VRK2: variants seen among roughly 807,000 people sequenced by gnomAD.
The protein encoded by VRK2 is VRK serine/threonine kinase 2, also known as serine/threonine-protein kinase VRK2.
In VRK2, 60 loss-of-function variants were observed where a neutral mutation model predicts 57.6. The observed-to-expected ratio is 1.04, with a 90% CI of 0.85 to 1.29. The LOEUF is 1.29. VRK2 is among the 50% of genes most tolerant of loss of function. The pLI is 0.00. For synonymous variants in VRK2, 231 were observed against 199.2 expected, an observed-to-expected ratio of 1.16 and a Z score of -1.35; for missense variants, 705 against 588.1, an observed-to-expected ratio of 1.20 and a Z score of -2.06.
intron 2 of VRK2, among the ~76,000 whole-genome samples, chr2:58,062,340 A>G (rs1343278718): frequency 1.3e-5 from 2 of 152,004 alleles, no homozygotes; most frequent in Non-Finnish European, 2.9e-5. Context: ...TGATACAGCA[A>G]TTTTGAAATT....
chr2:57,969,764 A>G (rs182222053), intron 1 of VRK2, among the ~76,000 whole-genome samples: 1 of 152,150 alleles, frequency 6.6e-6, no homozygotes, highest in East Asian at 1.9e-4. Context: ...TATTGCGGTC[A>G]GCTGAGGCTA....
chr2:57,939,759 T>C (rs1306731065), intron 1 of VRK2, among the ~76,000 whole-genome samples: 1 of 152,230 alleles, frequency 6.6e-6, no homozygotes, highest in East Asian at 1.9e-4. Context: ...GTTGATGGCA[T>C]ATTTTTCTGT....
At chr2:57,953,693 T>C (rs1341881820) in intron 1 of VRK2, among the ~76,000 whole-genome samples, 1 of 152,054 alleles carries the variant, frequency 6.6e-6, no homozygotes, top group Non-Finnish European at 1.5e-5. Flanking sequence ...AAGTGAGCTA[T>C]GAAGAGTAAC....
chr2:58,140,350 G>C (rs960187466), intron 11 of VRK2, among the ~76,000 whole-genome samples: 15 of 151,898 alleles, frequency 9.9e-5, no homozygotes, highest in Non-Finnish European at 1.6e-4. Context: ...CTTTTAGTCT[G>C]CCATCTTCCC....
intron 1 of VRK2, among the ~76,000 whole-genome samples, chr2:58,007,279 G>A (rs1376220979): frequency 6.6e-6 from 1 of 151,304 alleles, no homozygotes; most frequent in Non-Finnish European, 1.5e-5. Flanking sequence ...ATACATATGT[G>A]TGTTTATGTA....
chr2:57,996,610 A>C (rs1672930724), intron 1 of VRK2, among the ~76,000 whole-genome samples: 1 of 152,234 alleles, frequency 6.6e-6, no homozygotes, highest in African/African-American at 2.4e-5. Context: ...TGTATTCACA[A>C]GGTTAAGAAT....
chr2:57,961,634 C>CA (rs968874249), intron 1 of VRK2, among the ~76,000 whole-genome samples: 1 of 105,176 alleles, frequency 9.5e-6, no homozygotes, highest in African/African-American at 3.3e-5. Flanking sequence ...CCCCCCCCCC[C>CA]ACTTATTACT....
chr2:58,121,381 TGTTTA>T (rs1364691341), intron 7 of VRK2, among the ~76,000 whole-genome samples: 1 of 152,230 alleles, frequency 6.6e-6, no homozygotes, highest in Non-Finnish European at 1.5e-5. Flanking sequence ...ATGTGAAGCC[TGTTTA>T]GTTCTTGAAA....
At chr2:57,966,772 C>A (rs1035480455) in intron 1 of VRK2, among the ~76,000 whole-genome samples, 1 of 152,052 alleles carries the variant, frequency 6.6e-6, no homozygotes, top group African/African-American at 2.4e-5. Context: ...AAGAGAGTTA[C>A]TAGTTTATGG....
intron 2 of VRK2, among the ~76,000 whole-genome samples, chr2:58,077,353 GC>G (rs1019342744): frequency 6.6e-6 from 1 of 151,890 alleles, no homozygotes; most frequent in Non-Finnish European, 1.5e-5. Flanking sequence ...TTGATCCTAG[GC>G]CTTTGTTGTC....
chr2:57,946,486 A>G (rs6545674), intron 1 of VRK2, among the ~76,000 whole-genome samples: 29,176 of 152,066 alleles, frequency 0.19, 5,061 homozygotes, highest in African/African-American at 0.47. Flanking sequence ...TTTACTAAAT[A>G]AAAGATGGTA....
intron 2 of VRK2, among the ~76,000 whole-genome samples, chr2:58,030,571 C>T (rs1674081575): frequency 6.6e-6 from 1 of 151,962 alleles, no homozygotes; most frequent in Non-Finnish European, 1.5e-5. Context: ...ATTTGAAATG[C>T]CTGTTAGACC....
intron 1 of VRK2, among the ~76,000 whole-genome samples, chr2:57,992,685 C>T (rs1311101566): frequency 2.0e-5 from 3 of 151,848 alleles, no homozygotes; most frequent in Admixed American, 2.0e-4. Context: ...TACAGGCGCC[C>T]GCCACCGCGC....
intron 7 of VRK2, among the ~76,000 whole-genome samples, chr2:58,106,425 A>G (rs1165122502): frequency 3.9e-5 from 6 of 152,008 alleles, no homozygotes; most frequent in Non-Finnish European, 7.4e-5. Flanking sequence ...TCAAAATGCT[A>G]TTATCATTTA....
intron 2 of VRK2, among the ~76,000 whole-genome samples, chr2:58,026,085 T>G (rs1205287619): frequency 6.6e-6 from 1 of 152,186 alleles, no homozygotes; most frequent in East Asian, 1.9e-4. Context: ...CTATTCCAAG[T>G]CTTCCCTCTT....
Position 58,113,981 on chromosome 2 carries a change from A to G in VRK2, c.544-9120A>G, listed in dbSNP as rs545051909. On this transcript the variant is annotated intron_variant, in intron 7 of 12. Transcript: ENST00000340157. ...GGCGATGTTTCTCAGGGCTGCTTCA[A>G]CAGGATTAGGGGCAGTGTGGGAACC... 4.6e-5 allele frequency among the ~76,000 whole-genome samples: 7 copies of G among 152,266 alleles called. No individual in the cohort carries two copies. In the South Asian group the frequency reaches 1.5e-3, roughly 32 times the overall value.
chr2:58,099,360 T>C (rs1018826720), intron 7 of VRK2, among the ~76,000 whole-genome samples: 13 of 152,106 alleles, frequency 8.5e-5, no homozygotes, highest in Non-Finnish European at 1.6e-4. Context: ...CTAATGTATA[T>C]TTTAAGCCTG....
At chr2:58,114,320 G>A (rs1364066900) in intron 7 of VRK2, among the ~76,000 whole-genome samples, 2 of 151,858 alleles carry the variant, frequency 1.3e-5, no homozygotes, top group African/African-American at 4.9e-5. Flanking sequence ...AGCTGTGATG[G>A]CTTGGAGAAA....
intron 1 of VRK2, among the ~76,000 whole-genome samples, chr2:57,968,541 A>T (rs1045732585): frequency 4.6e-5 from 7 of 152,272 alleles, no homozygotes; most frequent in African/African-American, 1.4e-4. Flanking sequence ...AGTACCTTGA[A>T]AGAAAACAGT....
Sources: gnomAD v4.1 joint callset for allele counts (sites outside exome capture counted in the v4.1 genomes callset) on GRCh38, gnomAD v4.1.1 for gene constraint, MANE v1.5 for transcripts, NCBI Gene and HGNC (gene_info 2026-07-23, HGNC 2026-07-21) for gene names.